PDS5A: variants seen among roughly 807,000 people sequenced by gnomAD.
PDS5A encodes the protein sister chromatid cohesion protein PDS5 homolog A.
PDS5A carries 42 observed loss-of-function variants against 167.1 expected under a neutral mutation model. The ratio of observed to expected loss-of-function variants is 0.25; its 90% CI spans 0.20 to 0.33. The LOEUF is 0.33. PDS5A is among the 10% of genes least tolerant of loss of function. The pLI is 1.00. For synonymous variants in PDS5A, 553 were observed against 554.6 expected, an observed-to-expected ratio of 1.00 and a Z score of 0.04; for missense variants, 1,033 against 1,605.9, an observed-to-expected ratio of 0.64 and a Z score of 6.10.
intron 7 of PDS5A, among the ~76,000 whole-genome samples, chr4:39,917,723 C>T (rs1036873820): frequency 1.3e-5 from 2 of 152,174 alleles, no homozygotes; most frequent in African/African-American, 4.8e-5. Context: ...TACAGGAACC[C>T]GCCACCATGC....
chr4:39,953,636 C>G (rs1464326769), intron 2 of PDS5A, among the ~76,000 whole-genome samples: 1 of 151,860 alleles, frequency 6.6e-6, no homozygotes, highest in Non-Finnish European at 1.5e-5. Flanking sequence ...GAGGCTGGGG[C>G]AGGAGGATCG....
At position 39,939,799 on chromosome 4, in the gene PDS5A, A is replaced by G. The variant is rs188714670; in HGVS notation, c.139-11635T>C. Among the ~76,000 whole-genome samples the G allele has an allele frequency of 8.5e-4, 129 of 152,256 alleles. 1 individual carries two copies. Among genetic ancestry groups the G allele is most frequent in the Non-Finnish European group, 1.5e-3 (101 of 68,022 alleles). ...ACAAAAGAGCAAGACTTCGTTTCCAAAAAAACAAAAACAAACAAACAAAAA... is the reference window on the plus strand; with the variant it reads ...ACAAAAGAGCAAGACTTCGTTTCCAGAAAAACAAAAACAAACAAACAAAAA... On this transcript the variant is annotated intron_variant, in intron 2 of 32. Coordinates refer to ENST00000303538, the MANE Select transcript of PDS5A (RefSeq NM_001100399.2).
chr4:39,862,200 G>C lies in PDS5A; in HGVS notation c.3086+19C>G. On this transcript the variant is annotated intron_variant, in intron 26 of 32. Coordinates refer to ENST00000303538, the MANE Select transcript of PDS5A (RefSeq NM_001100399.2). ...ACTAAACATAATTTTTAGAGTTCTT[G>C]AAAAACAACAAGACTTACTCTTTGA... The C allele has an allele frequency of 9.6e-7, 1 of 1,043,364 alleles. No individual in the cohort carries two copies. Among genetic ancestry groups the C allele is most frequent in the Non-Finnish European group, 1.4e-6 (1 of 738,466 alleles). The allele number at this position is 1,043,364 out of a possible 1,614,324, so 64.6% of individuals were successfully genotyped here.
intron 32 of PDS5A, among the ~76,000 whole-genome samples, chr4:39,830,244 C>G (rs762620106): frequency 2.6e-5 from 4 of 152,236 alleles, no homozygotes; most frequent in Middle Eastern, 3.4e-3. Flanking sequence ...GGCTGGAGTA[C>G]AGTGGCACTA....
intron 2 of PDS5A, chr4:39,973,193 C>T (rs1340566167): frequency 8.4e-7 from 1 of 1,197,004 alleles, no homozygotes; most frequent in Admixed American, 1.7e-5. Context: ...GCTTGGTGGG[C>T]TTGTAATATA....
rs1191690836 is a variant in PDS5A, at chr4:39,906,917, T to TAAAAAA, written c.1233+1472_1233+1477dup. ...CAAAAGCCTTTTGAGATTTCTTACA[T>TAAAAAA]AAAAAAAAAAAAAAAAAAAAAAAAA... On this transcript the variant is annotated intron_variant, in intron 11 of 32. Transcript: ENST00000303538. Among the ~76,000 whole-genome samples the TAAAAAA allele has an allele frequency of 5.9e-4, 32 of 53,954 alleles. 1 individual carries two copies. The highest frequency in any genetic ancestry group is 1.4e-3 in the African/African-American group (23 of 16,182). The allele number at this position is 53,954 out of a possible 152,430, so 35.4% of individuals were successfully genotyped here.
rs1441398276 is a variant in PDS5A, at chr4:39,974,060, A to T, written c.138+2380T>A. On this transcript the variant is annotated intron_variant, in intron 2 of 32. Coordinates refer to ENST00000303538, the MANE Select transcript of PDS5A (RefSeq NM_001100399.2). The stretch of plus-strand genomic sequence containing the variant: ...AGAATGGCGTGAACCCGGGAGGCGG[A>T]GCTTACAGTGAGCCGAGATCGCACC... 3.8e-5 allele frequency: 19 copies of T among 504,014 alleles called. No individual in the cohort carries two copies. In the East Asian group the frequency reaches 8.8e-4, roughly 23 times the overall value. The allele number at this position is 504,014 out of a possible 1,614,324, so 31.2% of individuals were successfully genotyped here.
At chr4:39,950,840 G>A (rs935032281) in intron 2 of PDS5A, among the ~76,000 whole-genome samples, 1 of 151,972 alleles carries the variant, frequency 6.6e-6, no homozygotes, top group Non-Finnish European at 1.5e-5. Context: ...CACCAGCCTC[G>A]GCCTCTCAAA....
chr4:39,901,043 T>C (rs1322087268), intron 13 of PDS5A, among the ~76,000 whole-genome samples: 1 of 152,206 alleles, frequency 6.6e-6, no homozygotes, highest in Non-Finnish European at 1.5e-5. Context: ...TCTAAACTTT[T>C]CTCTCTCCAG....
chr4:39,862,835 T>C, intron 25 of PDS5A, 34 bp downstream of exon 25: 1 of 1,362,566 alleles, frequency 7.3e-7, no homozygotes, highest in Non-Finnish European at 1.0e-6. Context: ...ATTGACAAAA[T>C]ATATTTGCAC....
intron 2 of PDS5A, chr4:39,974,107 G>A (rs1730846067): frequency 3.6e-6 from 2 of 554,576 alleles, no homozygotes; most frequent in African/African-American, 1.9e-5. Context: ...GGGCGACAGA[G>A]CGAGACTCTG....
intron 17 of PDS5A, among the ~76,000 whole-genome samples, chr4:39,880,576 T>A (rs1190430929): frequency 1.3e-5 from 2 of 152,030 alleles, no homozygotes. Context: ...TTTGGCTAAT[T>A]TTTTTTTCCT....
chr4:39,930,247 GT>G (rs1258661213), intron 2 of PDS5A, among the ~76,000 whole-genome samples: 17 of 61,940 alleles, frequency 2.7e-4, no homozygotes, highest in Non-Finnish European at 3.2e-4. Flanking sequence ...AAAAAAAAAA[GT>G]TTTTTTGTTT....
chr4:39,888,385 G>A (rs567895786), intron 17 of PDS5A, among the ~76,000 whole-genome samples: 12 of 152,084 alleles, frequency 7.9e-5, no homozygotes, highest in African/African-American at 2.6e-4. Flanking sequence ...AAACTGTATG[G>A]AGGTTCCTCA....
intron 2 of PDS5A, among the ~76,000 whole-genome samples, chr4:39,929,522 T>TATATATATATATATATATAG (rs1725780826): frequency 4.2e-5 from 1 of 23,862 alleles, no homozygotes; most frequent in African/African-American, 7.7e-5. Flanking sequence ...TAATAAACTA[T>TATATATATATATATATATAG]ATATATATAT....
chr4:39,919,488 A>G (rs556967652), intron 7 of PDS5A, among the ~76,000 whole-genome samples: 1 of 152,228 alleles, frequency 6.6e-6, no homozygotes, highest in South Asian at 2.1e-4. Flanking sequence ...TACTAAAAAT[A>G]CAAAAAATTA....
At chr4:39,874,899 G>A (rs906354149) in intron 19 of PDS5A, among the ~76,000 whole-genome samples, 3 of 152,094 alleles carry the variant, frequency 2.0e-5, no homozygotes, top group African/African-American at 7.2e-5. Flanking sequence ...CAGTAGAATG[G>A]CAATAAAAAT....
chr4:39,956,843 T>A (rs1728969506), intron 2 of PDS5A, among the ~76,000 whole-genome samples: 1 of 152,090 alleles, frequency 6.6e-6, no homozygotes. Flanking sequence ...AGCTAATTTT[T>A]GTATTTTTTG....
intron 32 of PDS5A, among the ~76,000 whole-genome samples, chr4:39,836,832 A>G (rs1578574074): frequency 7.6e-6 from 1 of 131,072 alleles, no homozygotes; most frequent in African/African-American, 2.8e-5. Context: ...TTTTTGAGAC[A>G]CAGTCTCCTT....
Sources: allele counts gnomAD v4.1 joint callset (sites outside exome capture counted in the v4.1 genomes callset), GRCh38; gene constraint gnomAD v4.1.1; transcripts MANE v1.5; gene names NCBI Gene and HGNC (gene_info 2026-07-23, HGNC 2026-07-21).